The following ADGRB3 variants were observed in gnomAD, a reference collection of about 807,000 sequenced individuals.
The protein encoded by ADGRB3 is adhesion G protein-coupled receptor B3, also known as brain-specific angiogenesis inhibitor 3.
A neutral mutation model predicts 193.4 loss-of-function variants in ADGRB3; 37 were observed. That is an observed-to-expected ratio of 0.19 (90% confidence interval 0.15 to 0.25). ADGRB3 has a LOEUF of 0.25. ADGRB3 is among the 10% of genes least tolerant of loss of function. The pLI, the probability that ADGRB3 is intolerant of heterozygous loss-of-function variation, is 1.00. For missense variants in ADGRB3, 1,637 were observed against 1,852.9 expected, an observed-to-expected ratio of 0.88 and a Z score of 2.14; for synonymous variants, 690 against 644.2, an observed-to-expected ratio of 1.07 and a Z score of -1.08.
At chr6:69,354,870 A>G (rs1769306296) in intron 27 of ADGRB3, among the ~76,000 whole-genome samples, 1 of 152,200 alleles carries the variant, frequency 6.6e-6, no homozygotes, top group South Asian at 2.1e-4. Flanking sequence ...AGCTCTGGTT[A>G]TTATTGGAAT....
chr6:68,646,976 G>A (rs925953812), intron 3 of ADGRB3, among the ~76,000 whole-genome samples: 3 of 152,134 alleles, frequency 2.0e-5, no homozygotes, highest in African/African-American at 7.2e-5. Context: ...ACCAGAGAAG[G>A]GAATTTGGGT....
chr6:68,947,706 A>C (rs1767810408), intron 6 of ADGRB3, among the ~76,000 whole-genome samples: 1 of 152,156 alleles, frequency 6.6e-6, no homozygotes. Context: ...GACAATAGTA[A>C]TACCCACTTC....
At position 69,239,169 on chromosome 6, in the gene ADGRB3, G is replaced by A. The variant is rs577745041; in HGVS notation, c.2757G>A (p.Leu919=). The A allele has an allele frequency of 1.1e-5, 17 of 1,604,248 alleles. No individual in the cohort carries two copies. The East Asian group carries it at 3.1e-4, about 30-fold the overall frequency. ...CCATAATACTAATTAACTTCTGCCT[G>A]TCTATCATCTCATCCAATATCCTCA... is the stretch of plus-strand genomic sequence containing the variant. ...ERSIILINFC[L]SIISSNILIL... is the part of the protein sequence containing the mutation. Residue 919 remains leucine (L), a synonymous_variant, in exon 20 of 32, where the codon CTG becomes CTA. Transcript: ENST00000370598.
At chr6:69,025,447 CTT>C (rs141207437) in intron 13 of ADGRB3, among the ~76,000 whole-genome samples, 2,127 of 151,226 alleles carry the variant, frequency 0.014, 23 homozygotes, top group Non-Finnish European at 0.021. Flanking sequence ...ATCCCCATCT[CTT>C]GTTTGACTTC....
At chr6:68,676,808 T>C (rs564470840) in intron 3 of ADGRB3, among the ~76,000 whole-genome samples, 4 of 152,258 alleles carry the variant, frequency 2.6e-5, no homozygotes, top group African/African-American at 9.6e-5. Flanking sequence ...ATGTGGCACC[T>C]CTAAGTTACC....
intron 3 of ADGRB3, among the ~76,000 whole-genome samples, chr6:68,846,340 GC>G (rs1157766429): frequency 6.6e-6 from 1 of 152,198 alleles, no homozygotes; most frequent in East Asian, 1.9e-4. Flanking sequence ...ATTCAAGCTG[GC>G]TGCAGAAATT....
At chr6:69,012,672 C>T (rs182001497) in intron 11 of ADGRB3, among the ~76,000 whole-genome samples, 1 of 152,102 alleles carries the variant, frequency 6.6e-6, no homozygotes, top group East Asian at 1.9e-4. Context: ...ATGACTCAAA[C>T]CGTGTTTCAA....
At chr6:68,710,164 G>A (rs1765386058) in intron 3 of ADGRB3, among the ~76,000 whole-genome samples, 1 of 152,134 alleles carries the variant, frequency 6.6e-6, no homozygotes, top group African/African-American at 2.4e-5. Context: ...AAGTGGGGAG[G>A]ATGGATAATG....
At chr6:68,931,175 C>CT (rs1767327174) in intron 4 of ADGRB3, among the ~76,000 whole-genome samples, 1 of 151,604 alleles carries the variant, frequency 6.6e-6, no homozygotes, top group South Asian at 2.1e-4. Flanking sequence ...GTTATATAAG[C>CT]TAAATAATAA....
intron 13 of ADGRB3, among the ~76,000 whole-genome samples, chr6:69,028,684 G>T (rs186011681): frequency 1.3e-5 from 2 of 152,248 alleles, no homozygotes; most frequent in African/African-American, 4.8e-5. Context: ...TTGTCCCTGA[G>T]AAACTTGAAA....
At chr6:69,239,382 G>A (rs951318674) in intron 20 of ADGRB3, among the ~76,000 whole-genome samples, 156 bp downstream of exon 20, 2 of 151,954 alleles carry the variant, frequency 1.3e-5, no homozygotes, top group Admixed American at 6.6e-5. Context: ...TAAAAACATT[G>A]TCTATTCCAG....
chr6:69,330,673 G>A, intron 23 of ADGRB3, 101 bp downstream of exon 23: 3 of 956,358 alleles, frequency 3.1e-6, no homozygotes, highest in Non-Finnish European at 4.5e-6. Context: ...TTCTTGTGTA[G>A]AAATTTTAAA....
intron 17 of ADGRB3, among the ~76,000 whole-genome samples, chr6:69,174,727 G>C (rs1310869909): frequency 6.6e-6 from 1 of 152,190 alleles, no homozygotes; most frequent in Non-Finnish European, 1.5e-5. Flanking sequence ...TCCCACCACA[G>C]TGTACAAGCA....
intron 3 of ADGRB3, among the ~76,000 whole-genome samples, chr6:68,877,267 G>A (rs184915772): frequency 1.8e-4 from 28 of 151,708 alleles, no homozygotes; most frequent in Middle Eastern, 6.8e-3. Context: ...GACATTATTA[G>A]TCTATACCCA....
intron 3 of ADGRB3, among the ~76,000 whole-genome samples, chr6:68,747,134 A>G (rs961252793): frequency 6.6e-6 from 1 of 152,222 alleles, no homozygotes; most frequent in South Asian, 2.1e-4. Context: ...GCATGAAATT[A>G]TATATTCATT....
chr6:68,786,056 C>T (rs981004112), intron 3 of ADGRB3, among the ~76,000 whole-genome samples: 3 of 151,388 alleles, frequency 2.0e-5, no homozygotes, highest in Non-Finnish European at 4.4e-5. Flanking sequence ...GATATTAGCC[C>T]GTTGTCAGAT....
chr6:69,295,023 ACTCT>A (rs1472059009), intron 20 of ADGRB3, among the ~76,000 whole-genome samples: 1 of 152,012 alleles, frequency 6.6e-6, no homozygotes, highest in Non-Finnish European at 1.5e-5. Flanking sequence ...TTTGCTTATA[ACTCT>A]CTCTCACTGC....
chr6:69,037,737 CT>C (rs1315738098), intron 13 of ADGRB3, among the ~76,000 whole-genome samples: 2 of 152,062 alleles, frequency 1.3e-5, no homozygotes, highest in Non-Finnish European at 2.9e-5. Flanking sequence ...CCTTTATCCT[CT>C]AAAAGTGGGT....
intron 13 of ADGRB3, among the ~76,000 whole-genome samples, chr6:69,026,094 A>G (rs945778134): frequency 6.6e-6 from 1 of 152,218 alleles, no homozygotes; most frequent in African/African-American, 2.4e-5. Flanking sequence ...TTTGTCCTAG[A>G]AGATGTCTCA....
Sources: allele counts gnomAD v4.1 joint callset (sites outside exome capture counted in the v4.1 genomes callset), GRCh38; gene constraint gnomAD v4.1.1; transcripts MANE v1.5; gene names NCBI Gene and HGNC (gene_info 2026-07-23, HGNC 2026-07-21).